The following CEP85L variants were observed in gnomAD, a reference collection of about 807,000 sequenced individuals.
The protein encoded by CEP85L is centrosomal protein of 85 kDa-like.
A neutral mutation model predicts 100.3 loss-of-function variants in CEP85L; 60 were observed. That is an observed-to-expected ratio of 0.60 (90% confidence interval 0.49 to 0.74). The LOEUF (loss-of-function observed/expected upper bound fraction) is 0.74. CEP85L is among the 30% of genes least tolerant of loss of function. The pLI is 0.00. For missense variants in CEP85L, 973 were observed against 936.2 expected, an observed-to-expected ratio of 1.04 and a Z score of -0.51; for synonymous variants, 319 against 322.7, an observed-to-expected ratio of 0.99 and a Z score of 0.12.
chr6:118,580,961 G>A (rs975282559), intron 2 of CEP85L, among the ~76,000 whole-genome samples: 1 of 152,080 alleles, frequency 6.6e-6, no homozygotes, highest in Non-Finnish European at 1.5e-5. Context: ...GCATTTCCAG[G>A]TCTCTCTACC....
At position 118,632,628 on chromosome 6, in the gene CEP85L, G is replaced by T. The variant is rs532192729; in HGVS notation, c.74-17C>A. On this transcript the variant is annotated splice_polypyrimidine_tract_variant and intron_variant, in intron 1 of 12. Coordinates refer to ENST00000368491, the MANE Select transcript of CEP85L (RefSeq NM_001042475.3). ...AATCTGGGCCTAAAAAGGGAAATAT[G>T]TAACAGTTAACACATATATCTGAGT... 29 of 1,601,600 alleles carry T rather than the reference G, an allele frequency of 1.8e-5. No homozygotes were observed. In the South Asian group the frequency reaches 2.8e-4, roughly 16 times the overall value.
intron 2 of CEP85L, among the ~76,000 whole-genome samples, chr6:118,601,769 A>G (rs1337829023): frequency 6.6e-6 from 1 of 152,178 alleles, no homozygotes; most frequent in Non-Finnish European, 1.5e-5. Context: ...TTGCCATAGC[A>G]TTTGTAAACT....
chr6:118,591,377 G>A (rs1180104877), intron 2 of CEP85L, among the ~76,000 whole-genome samples: 1 of 151,748 alleles, frequency 6.6e-6, no homozygotes, highest in East Asian at 2.0e-4. Flanking sequence ...ATGAAAAACT[G>A]AACGTACCTC....
intron 1 of CEP85L, among the ~76,000 whole-genome samples, chr6:118,681,514 A>G (rs912990603): frequency 2.6e-5 from 4 of 152,144 alleles, no homozygotes; most frequent in African/African-American, 9.7e-5. Context: ...AATTTTGAAG[A>G]ACACTTAACA....
At chr6:118,602,845 T>C (rs77551080) in intron 2 of CEP85L, among the ~76,000 whole-genome samples, 5,059 of 151,508 alleles carry the variant, frequency 0.033, 286 homozygotes, top group African/African-American at 0.12. Flanking sequence ...TTTGGAGATA[T>C]AGTCTCGCAC....
chr6:118,707,557 C>T (rs1311888325), intron 1 of CEP85L, among the ~76,000 whole-genome samples: 1 of 152,182 alleles, frequency 6.6e-6, no homozygotes, highest in African/African-American at 2.4e-5. Flanking sequence ...ACTTACTAAA[C>T]TACTTCCTTT....
At chr6:118,662,473 T>C (rs1360826793) in intron 1 of CEP85L, among the ~76,000 whole-genome samples, 2 of 149,980 alleles carry the variant, frequency 1.3e-5, no homozygotes, top group African/African-American at 4.9e-5. Context: ...GAGGTTGCAA[T>C]GAGCCGAGAT....
rs565127303 is a variant in CEP85L, at chr6:118,625,558, G to A, written c.232+6895C>T. 1.1e-4 allele frequency among the ~76,000 whole-genome samples: 17 copies of A among 152,306 alleles called. No individual in the cohort carries two copies. The South Asian group carries it at 3.5e-3, about 32-fold the overall frequency. ...ACAAAGCCAGCTTAATTCTCTGACT[G>A]GGGTGGCCCTCCAAAAACGAAGGGC... On this transcript the variant is annotated intron_variant, in intron 2 of 12. Transcript: ENST00000368491.
chr6:118,495,406 C>T (rs1774854167), intron 5 of CEP85L, among the ~76,000 whole-genome samples: 1 of 152,088 alleles, frequency 6.6e-6, no homozygotes, highest in African/African-American at 2.4e-5. Context: ...CGATTACCCC[C>T]ATGCTACCGT....
intron 4 of CEP85L, among the ~76,000 whole-genome samples, chr6:118,518,091 T>C (rs986432036): frequency 1.1e-4 from 16 of 152,180 alleles, no homozygotes; most frequent in African/African-American, 3.9e-4. Flanking sequence ...GACTTGTTTG[T>C]GGTAGGTAAG....
At chr6:118,619,056 T>C (rs906890440) in intron 2 of CEP85L, among the ~76,000 whole-genome samples, 3 of 151,486 alleles carry the variant, frequency 2.0e-5, no homozygotes, top group Non-Finnish European at 4.4e-5. Context: ...AGGACGATCA[T>C]GCGCTCCGAG....
At chr6:118,626,495 C>T (rs73766587) in intron 2 of CEP85L, among the ~76,000 whole-genome samples, 4,446 of 152,178 alleles carry the variant, frequency 0.029, 223 homozygotes, top group African/African-American at 0.1. Context: ...AAGCATAAGT[C>T]GCAATTTCAG....
At chr6:118,485,079 CT>C (rs1308936293) in intron 6 of CEP85L, among the ~76,000 whole-genome samples, 1 of 152,112 alleles carries the variant, frequency 6.6e-6, no homozygotes, top group African/African-American at 2.4e-5. Context: ...TTTATATAGG[CT>C]GAAAGTCAGA....
chr6:118,541,658 T>C (rs1419249882), intron 3 of CEP85L, among the ~76,000 whole-genome samples: 1 of 152,170 alleles, frequency 6.6e-6, no homozygotes, highest in Non-Finnish European at 1.5e-5. Context: ...AGAACCTATC[T>C]TAAATGTTGA....
At chr6:118,491,167 CAT>C (rs1307977854) in intron 6 of CEP85L, among the ~76,000 whole-genome samples, 1 of 147,352 alleles carries the variant, frequency 6.8e-6, no homozygotes, top group Non-Finnish European at 1.5e-5. Flanking sequence ...AGTGTAAAAT[CAT>C]TCCCTTCTAT....
At chr6:118,624,512 C>T (rs530126769) in intron 2 of CEP85L, among the ~76,000 whole-genome samples, 10 of 152,258 alleles carry the variant, frequency 6.6e-5, no homozygotes, top group African/African-American at 2.4e-4. Flanking sequence ...CCTCTTCATC[C>T]CTCCCCAACT....
At chr6:118,485,174 A>C (rs575876936) in intron 6 of CEP85L, among the ~76,000 whole-genome samples, 1 of 152,136 alleles carries the variant, frequency 6.6e-6, no homozygotes, top group African/African-American at 2.4e-5. Context: ...TTTCATATTT[A>C]CTCCTATTTA....
chr6:118,562,242 C>T (rs1314614171), intron 3 of CEP85L, among the ~76,000 whole-genome samples: 3 of 152,052 alleles, frequency 2.0e-5, no homozygotes, highest in Non-Finnish European at 4.4e-5. Flanking sequence ...AATAAGAAAA[C>T]TTTCTGTTCA....
chr6:118,538,129 G>A, intron 3 of CEP85L: 1 of 190,960 alleles, frequency 5.2e-6, no homozygotes, highest in Non-Finnish European at 9.7e-6. Flanking sequence ...TTTATGGAGT[G>A]CATTATTACG....
Sources: allele counts gnomAD v4.1 joint callset (sites outside exome capture counted in the v4.1 genomes callset), GRCh38; gene constraint gnomAD v4.1.1; transcripts MANE v1.5; gene names NCBI Gene and HGNC (gene_info 2026-07-23, HGNC 2026-07-21).